Variants in KDM3B observed in about 807,000 individuals in gnomAD.
The protein encoded by KDM3B is lysine-specific demethylase 3B.
KDM3B carries 10 observed loss-of-function variants against 170.0 expected under a neutral mutation model. The ratio of observed to expected loss-of-function variants is 0.06; its 90% confidence interval spans 0.04 to 0.10. KDM3B has a LOEUF of 0.10. Among genes scored for constraint, KDM3B ranks in the 10% least tolerant of loss-of-function variants. The pLI, the probability that KDM3B is intolerant of heterozygous loss-of-function variation, is 1.00. For synonymous variants in KDM3B, 831 were observed against 834.8 expected (o/e 1.00, Z 0.08); for missense variants, 1,394 against 2,195.2 (o/e 0.64, Z 7.29).
intron 20 of KDM3B, 29 bp downstream of exon 20, chr5:138,428,115 G>A (rs1243217091): frequency 2.5e-6 from 4 of 1,608,760 alleles, no homozygotes; most frequent in South Asian, 2.2e-5. Context: ...ACTGCTTTAG[G>A]ATGGTGAGGC....
chr5:138,377,511 C>T (rs1762027562), intron 3 of KDM3B, among the ~76,000 whole-genome samples: 1 of 152,214 alleles, frequency 6.6e-6, no homozygotes, highest in African/African-American at 2.4e-5. Context: ...CAGCCTCAAA[C>T]TCCTGGGTTC....
At chr5:138,378,934 GGAGA>G (rs1762063477) in intron 4 of KDM3B, among the ~76,000 whole-genome samples, 1 of 151,814 alleles carries the variant, frequency 6.6e-6, no homozygotes. Flanking sequence ...AGGATATGTG[GGAGA>G]GAGAAACTGT....
At position 138,352,882 on chromosome 5, in the gene KDM3B, C is replaced by A. The variant is rs989512822; in HGVS notation, c.87C>A (p.Pro29=). ...DTAASASASA[P]AAAAASGDPG... ...CGGCCTCAGCCTCGGCCTCGGCTCCCGCGGCGGCAGCGGCGAGCGGAGATC... is the reference window on the plus strand; with the variant it reads ...CGGCCTCAGCCTCGGCCTCGGCTCCAGCGGCGGCAGCGGCGAGCGGAGATC... Residue 29 remains proline (P), a synonymous_variant, in exon 1 of 24, where the codon CCC becomes CCA. Transcript: ENST00000314358. 30 of 1,377,206 alleles carry A rather than the reference C, an allele frequency of 2.2e-5. No homozygotes were observed. The highest frequency in any genetic ancestry group is 4.5e-5 in the African/African-American group (3 of 65,952). The allele number at this position is 1,377,206 out of a possible 1,614,324, so 85.3% of individuals were successfully genotyped here.
At chr5:138,375,621 G>A (rs1229337963) in intron 3 of KDM3B, among the ~76,000 whole-genome samples, 5 of 151,796 alleles carry the variant, frequency 3.3e-5, no homozygotes, top group Non-Finnish European at 7.4e-5. Context: ...CTCGTGATCC[G>A]CCCGCCTCGG....
chr5:138,405,045 A>C (rs1415143759), intron 11 of KDM3B, among the ~76,000 whole-genome samples: 3 of 145,566 alleles, frequency 2.1e-5, no homozygotes, highest in Non-Finnish European at 4.5e-5. Context: ...CCAGCCTACA[A>C]ATTTTTTTTT....
At position 138,433,404 on chromosome 5, in the gene KDM3B, C is replaced by T. The variant is rs970676469; in HGVS notation, c.5205+1845C>T. 5.4e-5 allele frequency among the ~76,000 whole-genome samples: 8 copies of T among 149,456 alleles called. No individual in the cohort carries two copies. In the East Asian group the frequency reaches 1.6e-3, roughly 29 times the overall value. On this transcript the variant is annotated intron_variant, in intron 23 of 23. Transcript: ENST00000314358. ...CTGGGATTACGGATGTGAGCCACTG[C>T]GGCTGTTTTTTTTTTTTTTTTTGAG...
At chr5:138,421,051 G>A (rs1763261132) in intron 15 of KDM3B, 89 bp downstream of exon 15, 18 of 1,449,808 alleles carry the variant, frequency 1.2e-5, no homozygotes, top group Non-Finnish European at 1.6e-5. Flanking sequence ...GTACATGGGT[G>A]ATTTGTGTTC....
At position 138,352,937 on chromosome 5, in the gene KDM3B, C is replaced by T; in HGVS notation, c.142C>T (p.Arg48Trp). 1.5e-6 allele frequency: 2 copies of T among 1,299,242 alleles called. No individual in the cohort carries two copies. The highest frequency in any genetic ancestry group is 2.3e-5 in the South Asian group (1 of 44,104). The allele number at this position is 1,299,242 out of a possible 1,614,324, so 80.5% of individuals were successfully genotyped here. A position where few individuals can be genotyped will look rare whatever the true frequency, so the allele number is the denominator to read the frequency against. ...PGPALRTRAWRAGTVRAMSGA... is the reference protein window; with the variant it reads ...PGPALRTRAWWAGTVRAMSGA... ...GCCTGCGCTGCGCACTCGAGCCTGG[C>T]GGGCCGGCACGGTGCGGGCCATGAG... Residue 48 changes from arginine to tryptophan, a missense_variant, in exon 1 of 24, where the codon CGG (arginine) becomes TGG (tryptophan). By Grantham distance (101) the Arg-to-Trp change is moderately radical. Around this residue, in one of 19 missense-constraint regions of KDM3B, gnomAD observed 99 missense variants for 97.5 expected, o/e 1.02. Coordinates refer to ENST00000314358, the MANE Select transcript of KDM3B (RefSeq NM_016604.4).
chr5:138,373,898 A>G (rs1043257503), intron 2 of KDM3B, among the ~76,000 whole-genome samples: 3 of 152,272 alleles, frequency 2.0e-5, no homozygotes, highest in Non-Finnish European at 4.4e-5. Flanking sequence ...GTGGCTAACC[A>G]AATTAAATAA....
intron 13 of KDM3B, 136 bp from the exon 14 acceptor site, chr5:138,418,817 T>A: frequency 1.2e-6 from 1 of 846,116 alleles, no homozygotes; most frequent in African/African-American, 1.7e-5. Context: ...ATATGTTGAA[T>A]TAAATAATGT....
chr5:138,392,228 C>T lies in KDM3B; in HGVS notation c.2596C>T (p.Pro866Ser), dbSNP rs1762453296. The stretch of plus-strand genomic sequence containing the variant: ...GGGCAAAAGCAAAGGGAAGCAGGCC[C>T]CCAAGGGCCGGCCTCGGACTGCCCC... ...LLGKSKGKQA[P>S]KGRPRTAPLK... Residue 866 changes from proline to serine, a missense_variant, in exon 8 of 24, where the codon CCC (proline) becomes TCC (serine). This residue lies in a region of KDM3B where 84 missense variants were observed against 135.8 expected (regional missense o/e 0.62). Coordinates refer to ENST00000314358, the MANE Select transcript of KDM3B (RefSeq NM_016604.4). 1 of 1,503,052 alleles carries T rather than the reference C, an allele frequency of 6.7e-7. No homozygotes were observed. The highest frequency in any genetic ancestry group is 1.4e-5 in the African/African-American group (1 of 71,524). The allele number at this position is 1,503,052 out of a possible 1,614,324, so 93.1% of individuals were successfully genotyped here. A position where few individuals can be genotyped will look rare whatever the true frequency, so the allele number is the denominator to read the frequency against.
At position 138,392,407 on chromosome 5, in the gene KDM3B, C is replaced by G. The variant is rs1038369169; in HGVS notation, c.2629+146C>G. 3.8e-6 allele frequency: 3 copies of G among 781,382 alleles called. No individual in the cohort carries two copies. The African/African-American group carries it at 5.3e-5, about 14-fold the overall frequency. The allele number at this position is 781,382 out of a possible 1,614,324, so 48.4% of individuals were successfully genotyped here. On this transcript the variant is annotated intron_variant, in intron 8 of 23. Transcript: ENST00000314358. ...GAGCCAAGAGGACCTGGCAGAGGCC[C>G]CTCGTCAGGCCTGGTTCAGGGCAGG...
intron 3 of KDM3B, among the ~76,000 whole-genome samples, chr5:138,377,291 G>A (rs1762022569): frequency 1.3e-5 from 2 of 152,228 alleles, no homozygotes; most frequent in African/African-American, 4.8e-5. Context: ...GCCTAAATAA[G>A]TTTCTTTCCT....
chr5:138,424,394 A>C (rs740077), intron 16 of KDM3B, 53 bp downstream of exon 16: 377,105 of 1,562,372 alleles, frequency 0.24, 50,583 homozygotes, highest in East Asian at 0.54. Context: ...CCTACCACAG[A>C]TACCTGGACA....
At chr5:138,366,073 C>A (rs1288474800) in intron 1 of KDM3B, among the ~76,000 whole-genome samples, 1 of 152,042 alleles carries the variant, frequency 6.6e-6, no homozygotes, top group Non-Finnish European at 1.5e-5. Context: ...ACTCTCTCAT[C>A]CCAACCCTCC....
At chr5:138,426,929 C>T in intron 17 of KDM3B, 46 bp from the exon 18 acceptor site, 1 of 1,444,922 alleles carries the variant, frequency 6.9e-7, no homozygotes, top group Non-Finnish European at 9.7e-7. Flanking sequence ...AAATCGGACA[C>T]CAGCCAAACC....
intron 13 of KDM3B, chr5:138,417,977 A>T (rs1763145033): frequency 6.2e-6 from 1 of 160,230 alleles, no homozygotes; most frequent in Non-Finnish European, 1.4e-5. Flanking sequence ...CTATCACTGG[A>T]TTCATCTCAG....
At chr5:138,412,386 C>T (rs1329024472) in intron 11 of KDM3B, among the ~76,000 whole-genome samples, 2 of 150,908 alleles carry the variant, frequency 1.3e-5, no homozygotes, top group African/African-American at 4.9e-5. Flanking sequence ...GGCACAGTGG[C>T]TTATAACCTG....
At chr5:138,412,584 G>A (rs1193243845) in intron 11 of KDM3B, among the ~76,000 whole-genome samples, 1 of 151,962 alleles carries the variant, frequency 6.6e-6, no homozygotes, top group East Asian at 1.9e-4. Context: ...ACCCTGGGAG[G>A]TTGAGGCTGC....
Sources: allele counts gnomAD v4.1 joint callset (sites outside exome capture counted in the v4.1 genomes callset), GRCh38; gene constraint gnomAD v4.1.1; regional missense constraint gnomAD v4.1.1; transcripts MANE v1.5; gene names NCBI Gene and HGNC (gene_info 2026-07-23, HGNC 2026-07-21).